The following PKIB variants were observed in gnomAD, a reference collection of about 807,000 sequenced individuals.
The protein encoded by PKIB is cAMP-dependent protein kinase inhibitor beta.
Under a neutral mutation model 4.5 loss-of-function variants are expected in PKIB, and 2 were observed. The observed-to-expected ratio is 0.44, with a 90% CI of 0.18 to 1.39. The LOEUF is 1.39. Among genes scored for constraint, PKIB ranks in the 40% most tolerant of loss-of-function variants. The pLI, the probability that PKIB is intolerant of heterozygous loss-of-function variation, is 0.27. For missense variants in PKIB, 94 were observed against 92.6 expected, an observed-to-expected ratio of 1.02 and a Z score of -0.06; for synonymous variants, 38 against 36.0, an observed-to-expected ratio of 1.06 and a Z score of -0.20.
rs1775872825 is a variant in PKIB, at chr6:122,489,317, A to G, written c.-248+11378A>G. Among the ~76,000 whole-genome samples, 3 of 152,078 alleles carry G rather than the reference A, an allele frequency of 2.0e-5. No individual in the cohort carries two copies. The South Asian group carries it at 6.2e-4, about 32-fold the overall frequency. On this transcript the variant is annotated intron_variant, in intron 2 of 6. Coordinates refer to the PKIB transcript ENST00000392491. ...GGCTGGAGTGCAGTGGTACAGTCTC[A>G]GCTCACTTCAACCTCTGCCTCCCAG...
intron 2 of PKIB, among the ~76,000 whole-genome samples, chr6:122,650,370 A>T (rs1369487023): frequency 6.6e-6 from 1 of 152,148 alleles, no homozygotes; most frequent in East Asian, 1.9e-4. Context: ...CACTTTTTCT[A>T]AGTGGAGACA....
intron 1 of PKIB, among the ~76,000 whole-genome samples, chr6:122,475,886 C>T (rs1180523576): frequency 2.0e-5 from 3 of 152,182 alleles, no homozygotes; most frequent in Non-Finnish European, 2.9e-5. Flanking sequence ...ATCAGTGTGT[C>T]TCCATCAAGG....
chr6:122,604,093 G>C (rs1303727062), intron 3 of PKIB, among the ~76,000 whole-genome samples: 4 of 152,124 alleles, frequency 2.6e-5, no homozygotes. Flanking sequence ...TAGTTGGTTA[G>C]GGTTAGCAAT....
At chr6:122,705,597 T>A (rs1779027627) in intron 3 of PKIB, among the ~76,000 whole-genome samples, 1 of 146,016 alleles carries the variant, frequency 6.8e-6, no homozygotes, top group African/African-American at 2.5e-5. Flanking sequence ...GACGGAGTCT[T>A]GCTCTGTGGC....
intron 2 of PKIB, among the ~76,000 whole-genome samples, chr6:122,484,793 T>G (rs531188982): frequency 6.6e-6 from 1 of 152,172 alleles, no homozygotes. Flanking sequence ...AAACTAAATA[T>G]GGTCTGAGAA....
chr6:122,476,699 T>G (rs2114508245), intron 1 of PKIB, among the ~76,000 whole-genome samples: 1 of 152,330 alleles, frequency 6.6e-6, no homozygotes, highest in East Asian at 1.9e-4. Context: ...AATATGTGTC[T>G]AATATTTAAT....
At chr6:122,559,048 A>G (rs1772937773) in intron 2 of PKIB, among the ~76,000 whole-genome samples, 1 of 152,136 alleles carries the variant, frequency 6.6e-6, no homozygotes, top group East Asian at 1.9e-4. Context: ...ATAGTCTCCA[A>G]ACTCATCCAG....
intron 2 of PKIB, among the ~76,000 whole-genome samples, chr6:122,538,773 A>G (rs1777490168): frequency 2.0e-5 from 3 of 152,082 alleles, no homozygotes; most frequent in South Asian, 2.1e-4. Flanking sequence ...CTTGGGCAAT[A>G]TGGCCATTTT....
chr6:122,645,689 G>T (rs1776281611), intron 2 of PKIB, among the ~76,000 whole-genome samples: 1 of 152,212 alleles, frequency 6.6e-6, no homozygotes. Context: ...AGGGAGTAGT[G>T]AACTACATAG....
chr6:122,604,167 AT>A (rs1224235510), intron 3 of PKIB, among the ~76,000 whole-genome samples: 2 of 152,212 alleles, frequency 1.3e-5, no homozygotes, highest in Non-Finnish European at 2.9e-5. Flanking sequence ...GAAAATACCA[AT>A]TTTGGAATAG....
chr6:122,706,416 A>G lies in PKIB; in HGVS notation c.-8-11371A>G, dbSNP rs567862132. The stretch of plus-strand genomic sequence containing the variant: ...ATGTGTCCCCACTGTTTCTATCACA[A>G]TGCTTAGTCTTATTTGCCACTGTTT... On this transcript the variant is annotated intron_variant, in intron 3 of 4. Coordinates refer to ENST00000368452, the MANE Select transcript of PKIB (RefSeq NM_181795.3). Among the ~76,000 whole-genome samples, 10 of 152,232 alleles carry G rather than the reference A, an allele frequency of 6.6e-5. No individual in the cohort carries two copies. In the South Asian group the frequency reaches 1.2e-3, roughly 19 times the overall value.
chr6:122,648,364 G>GGA (rs1367133100), intron 2 of PKIB, among the ~76,000 whole-genome samples: 11 of 152,174 alleles, frequency 7.2e-5, no homozygotes, highest in Non-Finnish European at 1.5e-4. Context: ...AGGAGATCAA[G>GGA]CACCACATAT....
chr6:122,701,125 G>A (rs1395827027), intron 3 of PKIB: 5 of 228,776 alleles, frequency 2.2e-5, no homozygotes, highest in South Asian at 9.5e-5. Flanking sequence ...GAGAGTGCAA[G>A]CAATAGCAGC....
At chr6:122,553,990 G>A (rs1425665644) in intron 2 of PKIB, among the ~76,000 whole-genome samples, 2 of 152,202 alleles carry the variant, frequency 1.3e-5, no homozygotes, top group Admixed American at 6.5e-5. Flanking sequence ...TTAATCATCA[G>A]TATATTCCAG....
At chr6:122,534,225 T>C (rs1454981594) in intron 2 of PKIB, among the ~76,000 whole-genome samples, 1 of 151,306 alleles carries the variant, frequency 6.6e-6, no homozygotes, top group South Asian at 2.1e-4. Context: ...ACCCCAGTTA[T>C]TGGCCTAGAG....
intron 3 of PKIB, among the ~76,000 whole-genome samples, chr6:122,693,017 G>T (rs1033653096): frequency 1.3e-5 from 2 of 152,236 alleles, no homozygotes; most frequent in African/African-American, 2.4e-5. Flanking sequence ...GATTTGCTGA[G>T]GATAAAGGAC....
rs1778547349 is a variant in PKIB at position 122,695,803 on chromosome 6, A to G, written c.-9+20659A>G. On this transcript the variant is annotated intron_variant, in intron 3 of 4. Coordinates refer to ENST00000368452, the MANE Select transcript of PKIB (RefSeq NM_181795.3). ...GCTTAGGGCAAGTTTCTTAATATCT[A>G]AAAGACTCTATTTCAGTTGTTTCTT... is the stretch of plus-strand genomic sequence containing the variant. Among the ~76,000 whole-genome samples the G allele has an allele frequency of 2.6e-5, 4 of 152,260 alleles. No individual in the cohort carries two copies. The South Asian group carries it at 8.3e-4, about 32-fold the overall frequency.
intron 2 of PKIB, among the ~76,000 whole-genome samples, chr6:122,633,936 A>ATCTATCTG (rs1775801368): frequency 6.7e-6 from 1 of 150,254 alleles, no homozygotes; most frequent in Admixed American, 6.6e-5. Context: ...TGTCCTATCT[A>ATCTATCTG]TCTATCTATC....
intron 2 of PKIB, among the ~76,000 whole-genome samples, chr6:122,510,950 T>TGG (rs1001604824): frequency 2.6e-5 from 4 of 152,122 alleles, no homozygotes; most frequent in African/African-American, 9.7e-5. Context: ...TTCGGACATA[T>TGG]CTCTGAAGGA....
Sources: allele counts gnomAD v4.1 joint callset (sites outside exome capture counted in the v4.1 genomes callset), GRCh38; gene constraint gnomAD v4.1.1; transcripts MANE v1.5; gene names NCBI Gene and HGNC (gene_info 2026-07-23, HGNC 2026-07-21).